GPATCH8: variants seen among roughly 807,000 people sequenced by gnomAD.
The protein encoded by GPATCH8 is G-patch domain containing 8.
In GPATCH8, 18 loss-of-function variants were observed where a neutral mutation model predicts 118.3. The ratio of observed to expected loss-of-function variants is 0.15; its 90% CI spans 0.11 to 0.23. GPATCH8 has a LOEUF of 0.23. Ranked by LOEUF, GPATCH8 falls within the 10% of genes least tolerant of loss-of-function variation. GPATCH8 has a pLI of 1.00. For synonymous variants in GPATCH8, 659 were observed against 684.7 expected (o/e 0.96, Z 0.59); for missense variants, 1,631 against 1,873.8 (o/e 0.87, Z 2.39).
Position 44,399,721 on chromosome 17 carries a change from G to A in GPATCH8, c.2356C>T (p.His786Tyr). 6.2e-7 allele frequency: 1 copy of A among 1,614,080 alleles called. No homozygotes were observed. The highest frequency in any genetic ancestry group is 1.1e-5 in the South Asian group (1 of 91,066). The change falls in exon 8 of 8, where the codon CAC becomes TAC. Residue 786 changes from histidine to tyrosine, a missense_variant. This residue lies in a region of GPATCH8 where 922 missense variants were observed against 879.7 expected (regional missense o/e 1.05). Coordinates refer to ENST00000591680, the MANE Select transcript of GPATCH8 (RefSeq NM_001002909.4). ...SSSQDHGGRKHKGELPPSSCQ... is the reference protein window; with the variant it reads ...SSSQDHGGRKYKGELPPSSCQ... ...GATGAAGGTGGAAGTTCACCTTTGT[G>A]TTTCCTCCCACCATGGTCTTGGGAG...
chr17:44,440,688 T>C (rs1018583318), intron 3 of GPATCH8, among the ~76,000 whole-genome samples: 1 of 152,188 alleles, frequency 6.6e-6, no homozygotes, highest in African/African-American at 2.4e-5. Flanking sequence ...AAAGAAAGAA[T>C]ACAGTCAAAC....
intron 1 of GPATCH8, among the ~76,000 whole-genome samples, chr17:44,493,226 A>G (rs1248358462): frequency 6.6e-6 from 1 of 151,974 alleles, no homozygotes; most frequent in Non-Finnish European, 1.5e-5. Flanking sequence ...ATGCTCAGCT[A>G]ATTTTTGTAT....
Position 44,397,673 on chromosome 17 carries a change from A to G in GPATCH8, c.4404T>C (p.Ala1468=), listed in dbSNP as rs555575038. 6.2e-7 allele frequency: 1 copy of G among 1,613,234 alleles called. No homozygotes were observed. Among genetic ancestry groups the G allele is most frequent in the African/African-American group, 1.3e-5 (1 of 75,008 alleles). ...PHAALYPTLL[A]PRPAAAAATA... ...TGGCAGCTGCTGCAGCAGGCCGTGG[A>G]GCAAGTAGGGTGGGGTAGAGGGCAG... Residue 1468 remains alanine (A), a synonymous_variant, in exon 8 of 8, where the codon GCT becomes GCC. Coordinates refer to ENST00000591680, the MANE Select transcript of GPATCH8 (RefSeq NM_001002909.4).
At chr17:44,440,353 T>C (rs2050647741) in intron 3 of GPATCH8, among the ~76,000 whole-genome samples, 1 of 152,210 alleles carries the variant, frequency 6.6e-6, no homozygotes, top group African/African-American at 2.4e-5. Flanking sequence ...TGTATTAATC[T>C]GATGGAAAAC....
In GPATCH8 at chr17:44,436,473, T is replaced by G. The variant is rs769269331; in HGVS notation, c.261+5A>C. The G allele has an allele frequency of 3.2e-6, 4 of 1,260,030 alleles. 1 individual carries two copies. In the South Asian group the frequency reaches 4.8e-5, roughly 15 times the overall value. The allele number at this position is 1,260,030 out of a possible 1,614,324, so 78.1% of individuals were successfully genotyped here. A position where few individuals can be genotyped will look rare whatever the true frequency, so the allele number is the denominator to read the frequency against. On this transcript the variant is annotated splice_donor_5th_base_variant and intron_variant, in intron 4 of 7. Coordinates refer to ENST00000591680, the MANE Select transcript of GPATCH8 (RefSeq NM_001002909.4). ...AAAACTTATGAGTTAATGAGATCAA[T>G]TTACCTCCATTTCCATGCGACCCAT...
chr17:44,453,538 C>T (rs920497901), intron 3 of GPATCH8, among the ~76,000 whole-genome samples: 12 of 43,352 alleles, frequency 2.8e-4, no homozygotes, highest in South Asian at 1.4e-3. Flanking sequence ...TGTGCAGGCG[C>T]GCGTTTTGAG....
In GPATCH8 at chr17:44,398,069, C is replaced by G. The variant is rs766103518; in HGVS notation, c.4008G>C (p.Leu1336=). 27 of 1,613,960 alleles carry G rather than the reference C, an allele frequency of 1.7e-5. No homozygotes were observed. The East Asian group carries it at 5.6e-4, about 33-fold the overall frequency. The part of the protein sequence containing the change: ...AAQQHIQQQL[L]AKQVKAFPAS... ...CTGGAAAGGCCTTTACTTGCTTGGC[C>G]AGAAGCTGCTGCTGGATGTGTTGCT... The change falls in exon 8 of 8, where the codon CTG becomes CTC. Residue 1336 remains leucine, a synonymous_variant. Transcript: ENST00000591680.
chr17:44,453,546 G>C (rs780784162), intron 3 of GPATCH8, among the ~76,000 whole-genome samples: 3 of 66,326 alleles, frequency 4.5e-5, no homozygotes, highest in Non-Finnish European at 7.1e-5. Context: ...CGCGCGTTTT[G>C]AGACATGCTC....
Position 44,399,994 on chromosome 17 carries a change from T to C in GPATCH8, c.2083A>G (p.Thr695Ala). Residue 695 changes from threonine (T) to alanine (A), a missense_variant, in exon 8 of 8, where the codon ACA (threonine) becomes GCA (alanine). Transcript: ENST00000591680. ...TCTGCCTTAGAGCTTTTCTCTTCTGTGTCAGCCTTGTGTTTACGTTTGTGT... is the reference window on the plus strand; with the variant it reads ...TCTGCCTTAGAGCTTTTCTCTTCTGCGTCAGCCTTGTGTTTACGTTTGTGT... ...SKHKRKHKAD[T>A]EEKSSKAESG... The C allele has an allele frequency of 1.9e-6, 3 of 1,614,160 alleles. No individual in the cohort carries two copies. The highest frequency in any genetic ancestry group is 2.5e-6 in the Non-Finnish European group (3 of 1,180,006).
intron 6 of GPATCH8, among the ~76,000 whole-genome samples, chr17:44,411,176 T>A (rs909085268): frequency 3.9e-5 from 6 of 152,156 alleles, no homozygotes. Context: ...CTATGACAAT[T>A]GGGCTTTGCA....
At chr17:44,404,022 T>C (rs1310231096) in intron 7 of GPATCH8, among the ~76,000 whole-genome samples, 3 of 151,876 alleles carry the variant, frequency 2.0e-5, no homozygotes, top group Admixed American at 6.6e-5. Flanking sequence ...ATCTAAACTA[T>C]TGCTACTGGA....
intron 2 of GPATCH8, among the ~76,000 whole-genome samples, chr17:44,472,391 T>C (rs768758830): frequency 3.9e-5 from 6 of 152,198 alleles, no homozygotes; most frequent in South Asian, 2.1e-4. Context: ...AGAGGTAAAA[T>C]AGCATTAGCC....
chr17:44,398,304 C>G lies in GPATCH8; in HGVS notation c.3773G>C (p.Ser1258Thr). 2 of 1,613,914 alleles carry G rather than the reference C, an allele frequency of 1.2e-6. No individual in the cohort carries two copies. The highest frequency in any genetic ancestry group is 1.7e-6 in the Non-Finnish European group (2 of 1,179,898). Reference protein sequence around the residue: ...SDGDTLESLDSSSQPGPVESS... With the variant: ...SDGDTLESLDTSSQPGPVESS... ...CTCCACAGGGCCTGGCTGACTGCTG[C>G]TATCCAGGGACTCCAGGGTGTCCCC... Residue 1258 changes from serine to threonine, a missense_variant, in exon 8 of 8, where the codon AGC becomes ACC. By Grantham distance (58) the Ser-to-Thr change is moderately conservative. Around this residue, in one of 8 missense-constraint regions of GPATCH8, gnomAD observed 922 missense variants for 879.7 expected, o/e 1.05. Coordinates refer to ENST00000591680, the MANE Select transcript of GPATCH8 (RefSeq NM_001002909.4).
Position 44,400,387 on chromosome 17 carries a change from AG to A in GPATCH8, c.1689del (p.Ser564ProfsTer32). The A allele has an allele frequency of 6.2e-7, 1 of 1,613,570 alleles. No individual in the cohort carries two copies. Among genetic ancestry groups the A allele is most frequent in the South Asian group, 1.1e-5 (1 of 91,078 alleles). ...AAAGGGTTACAACTGTATGAAATGG[AG>A]GGTTCTGCCTTGGTGAAAATTAATA... ...SELLIFTKAE[P>X]SISYSCNPLY... is the part of the protein sequence containing the mutation. On this transcript the variant is annotated frameshift_variant, in exon 8 of 8. Transcript: ENST00000591680. LOFTEE classifies it high-confidence loss of function.
At chr17:44,402,038 C>T (rs1390078341) in intron 7 of GPATCH8, among the ~76,000 whole-genome samples, 2 of 145,344 alleles carry the variant, frequency 1.4e-5, no homozygotes, top group African/African-American at 2.5e-5. Context: ...AAATAAAGTA[C>T]AGGCCGGGCG....
intron 4 of GPATCH8, among the ~76,000 whole-genome samples, chr17:44,436,122 C>T (rs971601595): frequency 1.1e-4 from 16 of 150,468 alleles, no homozygotes; most frequent in African/African-American, 3.2e-4. Flanking sequence ...GACAGCCGTA[C>T]CCAATTCTAC....
In GPATCH8 at chr17:44,405,997, G is replaced by A; in HGVS notation, c.547C>T (p.Arg183Cys). The A allele has an allele frequency of 6.2e-7, 1 of 1,607,514 alleles. No homozygotes were observed. The highest frequency in any genetic ancestry group is 8.5e-7 in the Non-Finnish European group (1 of 1,174,042). ...EFARNVSSRS[R>C]KDEKKQEKAL... ...TTTTCCTGTTTTTTCTCATCCTTGC[G>A]GGATCTTGAAGAGACATTTCGAGCA... The change falls in exon 7 of 8, where the codon CGC (arginine) becomes TGC (cysteine). Residue 183 changes from arginine (R) to cysteine (C), a missense_variant. Physicochemically the swap from Arg to Cys is radical, Grantham distance 180 (BLOSUM62 -3). Around this residue, in one of 8 missense-constraint regions of GPATCH8, gnomAD observed 81 missense variants for 227.6 expected, o/e 0.36. Transcript: ENST00000591680.
chr17:44,400,923 CCTT>C lies in GPATCH8; in HGVS notation c.1151_1153del (p.Glu384del), dbSNP rs770188451. On this transcript the variant is annotated inframe_deletion, in exon 8 of 8. Transcript: ENST00000591680. Reference sequence around the variant, plus strand: ...ATACTCAGGCTCTGTAGCCCCAGCTCCTTCTTCTCGTTTCATCCTTTTTAATTT... The same window carrying C: ...ATACTCAGGCTCTGTAGCCCCAGCTCCTTCTCGTTTCATCCTTTTTAATTT... The C allele has an allele frequency of 1.9e-6, 3 of 1,614,150 alleles. No individual in the cohort carries two copies. Among genetic ancestry groups the C allele is most frequent in the Non-Finnish European group, 2.5e-6 (3 of 1,180,020 alleles).
At chr17:44,492,605 AG>A (rs1568070452) in intron 1 of GPATCH8, among the ~76,000 whole-genome samples, 1 of 151,874 alleles carries the variant, frequency 6.6e-6, no homozygotes, top group Admixed American at 6.6e-5. Flanking sequence ...AAAAAAAAAG[AG>A]GGGGAGATAC....
Sources: gnomAD v4.1 joint callset for allele counts (sites outside exome capture counted in the v4.1 genomes callset) on GRCh38, gnomAD v4.1.1 for gene constraint, gnomAD v4.1.1 regional missense constraint, MANE v1.5 for transcripts, NCBI Gene and HGNC (gene_info 2026-07-23, HGNC 2026-07-21) for gene names.